Variants in TMEM9 observed in about 807,000 individuals in gnomAD.
TMEM9 encodes the protein transmembrane protein 9.
A neutral mutation model predicts 22.8 loss-of-function variants in TMEM9; 13 were observed. The ratio of observed to expected loss-of-function variants is 0.57; its 90% confidence interval spans 0.37 to 0.91. The LOEUF is 0.91. Ranked by LOEUF, TMEM9 falls within the 40% of genes least tolerant of loss-of-function variation. TMEM9 has a pLI of 0.01. For missense variants in TMEM9, 182 were observed against 238.1 expected, an observed-to-expected ratio of 0.76 and a Z score of 1.55; for synonymous variants, 88 against 93.0, an observed-to-expected ratio of 0.95 and a Z score of 0.31.
In TMEM9 at chr1:201,153,910, G is replaced by T; in HGVS notation, c.14C>A (p.Ser5Tyr). Residue 5 changes from serine (S) to tyrosine (Y), a missense_variant, in exon 1 of 5, where the codon TCT becomes TAT. Physicochemically the swap from Ser to Tyr is moderately radical, Grantham distance 144. Transcript: ENST00000367330. ...CAAACACCCGACCACAGCCACCAAA[G>T]ATAAGAGCTTCATGCTTATCAGGCT... MKLL[S>Y]LVAVVGCLLV... 6.2e-7 allele frequency: 1 copy of T among 1,613,404 alleles called. No individual in the cohort carries two copies. Among genetic ancestry groups the T allele is most frequent in the Non-Finnish European group, 8.5e-7 (1 of 1,179,622 alleles).
At position 201,135,748 on chromosome 1, in the gene TMEM9, C is replaced by T. The variant is rs757757323; in HGVS notation, c.467G>A (p.Arg156His). 6.2e-6 allele frequency: 10 copies of T among 1,613,742 alleles called. No individual in the cohort carries two copies. Among genetic ancestry groups the T allele is most frequent in the South Asian group, 2.2e-5 (2 of 91,000 alleles). ...CCACCGCTGCTGGGCACCTTCCACA[C>T]GCTCCAGGACTGTGTTTGCTCGGGG... ...GGPRANTVLE[R>H]VEGAQQRWKL... The change falls in exon 5 of 5, where the codon CGT becomes CAT. Residue 156 changes from arginine (R) to histidine (H), a missense_variant. Physicochemically the swap from Arg to His is conservative, Grantham distance 29. Transcript: ENST00000367330.
rs1477856432 is a variant in TMEM9, at chr1:201,146,730, C to G, written c.267+10G>C. ...GGAATCCCACTGGCTTCCTGAGACCCTGGCGTTACCTTGATGGTGGTGGTG... is the reference window on the plus strand; with the variant it reads ...GGAATCCCACTGGCTTCCTGAGACCGTGGCGTTACCTTGATGGTGGTGGTG... On this transcript the variant is annotated intron_variant, in intron 3 of 4. Transcript: ENST00000367330. 3 of 1,613,804 alleles carry G rather than the reference C, an allele frequency of 1.9e-6. No individual in the cohort carries two copies. The highest frequency in any genetic ancestry group is 3.3e-5 in the Admixed American group (2 of 60,012).
intron 1 of TMEM9, among the ~76,000 whole-genome samples, chr1:201,163,647 G>A (rs956838678): frequency 6.6e-6 from 1 of 151,938 alleles, no homozygotes; most frequent in Non-Finnish European, 1.5e-5. Context: ...AAAATAATGA[G>A]CTATCACTAC....
intron 2 of TMEM9, among the ~76,000 whole-genome samples, chr1:201,148,680 G>A (rs540404949): frequency 6.6e-6 from 1 of 152,350 alleles, no homozygotes; most frequent in Admixed American, 6.5e-5. Flanking sequence ...TCAAGGGTGT[G>A]TGATATAAAG....
intron 2 of TMEM9, 163 bp from the exon 3 acceptor site, chr1:201,147,011 A>AGTT (rs1665034543): frequency 3.2e-6 from 2 of 623,210 alleles, no homozygotes; most frequent in South Asian, 1.9e-5. Flanking sequence ...GGCTGGCAGA[A>AGTT]ACCCTTCCTA....
chr1:201,158,652 G>A (rs1013640917), upstream of TMEM9, among the ~76,000 whole-genome samples: 1 of 152,088 alleles, frequency 6.6e-6, no homozygotes, highest in African/African-American at 2.4e-5. Flanking sequence ...GTGAGAGGGT[G>A]GAGACCAGGT....
At chr1:201,162,920 T>G (rs1349204554) in intron 1 of TMEM9, among the ~76,000 whole-genome samples, 3 of 151,904 alleles carry the variant, frequency 2.0e-5, no homozygotes, top group Non-Finnish European at 4.4e-5. Context: ...GACATTTCAC[T>G]AAAGAGGATA....
At chr1:201,147,232 C>T (rs1374884859) in intron 2 of TMEM9, among the ~76,000 whole-genome samples, 9 of 152,164 alleles carry the variant, frequency 5.9e-5, no homozygotes, top group African/African-American at 1.2e-4. Context: ...CAGCCAGGGC[C>T]GCTCTCCTCT....
rs199769307 is a variant in TMEM9, at chr1:201,143,935, T to G, written c.284A>C (p.Tyr95Ser). The change falls in exon 4 of 5, where the codon TAC becomes TCC. Residue 95 changes from tyrosine to serine, a missense_variant. Coordinates refer to ENST00000367330, the MANE Select transcript of TMEM9 (RefSeq NM_001288565.2). ...TTTIKVIIVI[Y>S]LSVVGALLLY... is the part of the protein sequence containing the mutation. ...CAACAGGGCACCCACCACGGACAGG[T>G]AGATGACAATGATGACCTGAGGAAG... The G allele has an allele frequency of 1.9e-6, 3 of 1,613,978 alleles. No homozygotes were observed. The Admixed American group carries it at 5.0e-5, about 27-fold the overall frequency.
chr1:201,139,074 C>T (rs749172578), intron 4 of TMEM9, among the ~76,000 whole-genome samples: 1 of 152,224 alleles, frequency 6.6e-6, no homozygotes, highest in Non-Finnish European at 1.5e-5. Flanking sequence ...ATCAAACTAG[C>T]CCTGAGCCCT....
chr1:201,137,137 G>C (rs1664069124), intron 4 of TMEM9, among the ~76,000 whole-genome samples: 1 of 152,270 alleles, frequency 6.6e-6, no homozygotes, highest in Non-Finnish European at 1.5e-5. Context: ...TCCTGTGCCA[G>C]GCTAGGTGAG....
At chr1:201,171,179 G>T (rs1344757268) in intron 1 of TMEM9, among the ~76,000 whole-genome samples, 2 of 152,220 alleles carry the variant, frequency 1.3e-5, no homozygotes, top group African/African-American at 2.4e-5. Context: ...ATTGCGGGGG[G>T]CGGTGCGGCA....
rs545989505 is a variant in TMEM9 at position 201,163,313 on chromosome 1, G to A, written c.-37+8177C>T. ...AATAAAAAAATAAAAAACAAGGCCG[G>A]GCGCGGTGGCTCACACCTATAATCC... On this transcript the variant is annotated intron_variant, in intron 1 of 5. Transcript: ENST00000367333. 1.3e-3 allele frequency among the ~76,000 whole-genome samples: 203 copies of A among 151,350 alleles called. 1 individual carries two copies. Among genetic ancestry groups the A allele is most frequent in the African/African-American group, 4.8e-3 (196 of 41,224 alleles).
At chr1:201,148,486 T>C (rs991383380) in intron 2 of TMEM9, among the ~76,000 whole-genome samples, 2 of 152,230 alleles carry the variant, frequency 1.3e-5, no homozygotes, top group Non-Finnish European at 2.9e-5. Flanking sequence ...CATGCTGCAA[T>C]GCACCTGGGC....
At chr1:201,165,442 TC>T (rs1264472115) in intron 1 of TMEM9, among the ~76,000 whole-genome samples, 1 of 149,020 alleles carries the variant, frequency 6.7e-6, no homozygotes, top group Non-Finnish European at 1.5e-5. Flanking sequence ...TCTTTTTCTT[TC>T]TTTTTTTTTT....
intron 1 of TMEM9, among the ~76,000 whole-genome samples, chr1:201,167,106 A>C (rs557427739): frequency 1.3e-5 from 2 of 152,382 alleles, no homozygotes; most frequent in Admixed American, 1.3e-4. Flanking sequence ...AAAGTATACA[A>C]ATCTTAATTG....
intron 1 of TMEM9, among the ~76,000 whole-genome samples, chr1:201,170,298 C>T (rs773569031): frequency 6.6e-6 from 1 of 152,128 alleles, no homozygotes; most frequent in Non-Finnish European, 1.5e-5. Context: ...ATGTCATCCC[C>T]CAAGATGAAA....
chr1:201,168,967 C>CT (rs5780055), intron 1 of TMEM9, among the ~76,000 whole-genome samples: 58,987 of 128,486 alleles, frequency 0.46, 14,493 homozygotes, highest in Middle Eastern at 0.59. Flanking sequence ...AATTATATTA[C>CT]TTTTTTTTTT....
intron 2 of TMEM9, among the ~76,000 whole-genome samples, chr1:201,150,101 C>T (rs959698964): frequency 6.6e-6 from 1 of 152,226 alleles, no homozygotes; most frequent in Admixed American, 6.5e-5. Flanking sequence ...ATCTATAGCT[C>T]CAGGACAGAG....
Sources: allele counts gnomAD v4.1 joint callset (sites outside exome capture counted in the v4.1 genomes callset), GRCh38; gene constraint gnomAD v4.1.1; transcripts MANE v1.5; gene names NCBI Gene and HGNC (gene_info 2026-07-23, HGNC 2026-07-21).